The following PDE10A variants were observed in gnomAD, a reference collection of about 807,000 sequenced individuals.
PDE10A encodes the protein cAMP and cAMP-inhibited cGMP 3',5'-cyclic phosphodiesterase 10A.
A neutral mutation model predicts 97.7 loss-of-function variants in PDE10A; 39 were observed. The ratio of observed to expected loss-of-function variants is 0.40; its 90% confidence interval spans 0.31 to 0.52. The LOEUF (loss-of-function observed/expected upper bound fraction) is 0.52. PDE10A is among the 20% of genes least tolerant of loss of function. PDE10A has a pLI of 0.56. For missense variants in PDE10A, 731 were observed against 1,047.8 expected (o/e 0.70, Z 4.17); for synonymous variants, 371 against 376.8 (o/e 0.98, Z 0.18).
At chr6:165,574,976 T>C (rs770067380) in intron 1 of PDE10A, among the ~76,000 whole-genome samples, 1 of 152,184 alleles carries the variant, frequency 6.6e-6, no homozygotes, top group East Asian at 1.9e-4. Context: ...AAAATTCCCC[T>C]CTCTGATGAC....
intron 1 of PDE10A, among the ~76,000 whole-genome samples, chr6:165,710,667 G>A (rs905397441): frequency 6.6e-6 from 1 of 152,144 alleles, no homozygotes; most frequent in Non-Finnish European, 1.5e-5. Flanking sequence ...AAAGTCATCA[G>A]ATAAAAATAA....
At chr6:165,763,881 T>C (rs1241951234) in intron 1 of PDE10A, among the ~76,000 whole-genome samples, 1 of 152,238 alleles carries the variant, frequency 6.6e-6, no homozygotes, top group Non-Finnish European at 1.5e-5. Flanking sequence ...CCAGGTGTGT[T>C]CTCAGCAATG....
chr6:165,579,679 T>TA lies in PDE10A; in HGVS notation c.866-36112dup, dbSNP rs1042330114. On this transcript the variant is annotated intron_variant, in intron 1 of 21. Transcript: ENST00000539869. ...CTCAATATAGCACCCTGTCAAAACA[T>TA]AAACTAGATCATGTTGCTGCTCTAC... Among the ~76,000 whole-genome samples, 86 of 152,250 alleles carry TA rather than the reference T, an allele frequency of 5.6e-4. 1 individual carries two copies. Among genetic ancestry groups the TA allele is most frequent in the African/African-American group, 2.0e-3 (81 of 41,536 alleles).
Position 165,950,629 on chromosome 6 carries a change from C to T in PDE10A, c.-615+36900G>A, listed in dbSNP as rs144865144. On this transcript the variant is annotated intron_variant, in intron 1 of 19. Transcript: ENST00000366882. Reference sequence around the variant, plus strand: ...AATACCTGTGCAGACCAGGTCTGCTCGGATGCAGAAGGCGGCCTTCTAGTC... The same window carrying T: ...AATACCTGTGCAGACCAGGTCTGCTTGGATGCAGAAGGCGGCCTTCTAGTC... Among the ~76,000 whole-genome samples, 132 of 152,290 alleles carry T rather than the reference C, an allele frequency of 8.7e-4. 1 individual carries two copies. The highest frequency in any genetic ancestry group is 3.1e-3 in the African/African-American group (127 of 41,556).
At chr6:165,535,940 T>C (rs982225156) in intron 2 of PDE10A, among the ~76,000 whole-genome samples, 4 of 151,870 alleles carry the variant, frequency 2.6e-5, no homozygotes, top group African/African-American at 9.7e-5. Flanking sequence ...CAAAATAACA[T>C]TGTTCACAGA....
intron 1 of PDE10A, among the ~76,000 whole-genome samples, chr6:165,893,032 G>C (rs1414128555): frequency 6.6e-6 from 1 of 152,166 alleles, no homozygotes; most frequent in Non-Finnish European, 1.5e-5. Flanking sequence ...TAGGATTTAA[G>C]CTTTTATGGG....
intron 1 of PDE10A, among the ~76,000 whole-genome samples, chr6:165,634,144 C>T (rs544263927): frequency 5.3e-5 from 8 of 152,068 alleles, no homozygotes; most frequent in South Asian, 2.1e-4. Context: ...CAGGAATTTG[C>T]GTTTTTAGTA....
At chr6:165,805,030 G>A (rs1779094313) in intron 1 of PDE10A, among the ~76,000 whole-genome samples, 1 of 149,602 alleles carries the variant, frequency 6.7e-6, no homozygotes, top group African/African-American at 2.5e-5. Context: ...TGGGCGTGGG[G>A]CGAGCACAGG....
intron 8 of PDE10A, 103 bp from the exon 9 acceptor site, chr6:165,430,448 A>C: frequency 1.5e-6 from 1 of 669,104 alleles, no homozygotes; most frequent in Non-Finnish European, 2.6e-6. Context: ...AAGGCCTAAC[A>C]CAATCACTTG....
At chr6:165,350,008 G>A (rs140664769) in intron 18 of PDE10A, among the ~76,000 whole-genome samples, 1 of 152,230 alleles carries the variant, frequency 6.6e-6, no homozygotes, top group Admixed American at 6.5e-5. Context: ...TGCTAGGGCA[G>A]TGTGAAAGGG....
intron 2 of PDE10A, among the ~76,000 whole-genome samples, chr6:165,542,612 C>CTTTTTTTTTTTTTTTTTTTTTTTTTTTTT (rs545149187): frequency 2.0e-4 from 15 of 76,454 alleles, no homozygotes; most frequent in South Asian, 6.4e-4. Flanking sequence ...TGTCCTTGTT[C>CTTTTTTTTTTTTTTTTTTTTTTTTTTTTT]TTTTTTTTTT....
At chr6:165,398,529 T>G (rs1463106622) in intron 13 of PDE10A, among the ~76,000 whole-genome samples, 1 of 152,132 alleles carries the variant, frequency 6.6e-6, no homozygotes, top group Admixed American at 6.6e-5. Flanking sequence ...TATTGGCTGT[T>G]CTTAAACATT....
chr6:165,598,587 T>C (rs1310352520), intron 1 of PDE10A, among the ~76,000 whole-genome samples: 3 of 152,124 alleles, frequency 2.0e-5, no homozygotes, highest in African/African-American at 4.8e-5. Context: ...AAAATGGTGA[T>C]AATAATAGTA....
At position 165,396,429 on chromosome 6, in the gene PDE10A, T is replaced by G; in HGVS notation, c.2107A>C (p.Ile703Leu). 1 of 1,612,830 alleles carries G rather than the reference T, an allele frequency of 6.2e-7. No individual in the cohort carries two copies. Among genetic ancestry groups the G allele is most frequent in the Non-Finnish European group, 8.5e-7 (1 of 1,179,288 alleles). Residue 703 changes from isoleucine (I) to leucine (L), a missense_variant, in exon 14 of 22, where the codon ATT (isoleucine) becomes CTT (leucine). By Grantham distance (5) the Ile-to-Leu change is conservative. This residue lies in a region of PDE10A where 131 missense variants were observed against 187.4 expected (regional missense o/e 0.70). Coordinates refer to ENST00000539869, the MANE Select transcript of PDE10A (RefSeq NM_001385079.1). ...MYHRIRHSEC[I>L]YRVTMEKLSY... is the part of the protein sequence containing the mutation. ...AGCTTTTCCATCGTTACCCGGTAAATGCACTCTGAGTGGCGAATTCTATGA... is the reference window on the plus strand; with the variant it reads ...AGCTTTTCCATCGTTACCCGGTAAAGGCACTCTGAGTGGCGAATTCTATGA...
intron 1 of PDE10A, among the ~76,000 whole-genome samples, chr6:165,923,366 T>C (rs1242916680): frequency 6.6e-6 from 1 of 152,216 alleles, no homozygotes; most frequent in Non-Finnish European, 1.5e-5. Context: ...CTATTCCAGG[T>C]GTTCAGAGCA....
At chr6:165,574,089 C>T (rs1785186227) in intron 1 of PDE10A, among the ~76,000 whole-genome samples, 1 of 152,070 alleles carries the variant, frequency 6.6e-6, no homozygotes, top group African/African-American at 2.4e-5. Flanking sequence ...ACAAACTGTT[C>T]AACATATGGC....
At chr6:165,553,477 A>C (rs928116719) in intron 1 of PDE10A, among the ~76,000 whole-genome samples, 1 of 152,216 alleles carries the variant, frequency 6.6e-6, no homozygotes, top group Non-Finnish European at 1.5e-5. Flanking sequence ...CTTGTCCCCA[A>C]ATATATCACC....
At chr6:165,859,016 C>T (rs76276920) in intron 1 of PDE10A, among the ~76,000 whole-genome samples, 6,409 of 152,334 alleles carry the variant, frequency 0.042, 161 homozygotes, top group Middle Eastern at 0.078. Context: ...TGTAAACTCA[C>T]TGCAAACACT....
At chr6:165,756,565 A>T (rs1184560280) in intron 1 of PDE10A, among the ~76,000 whole-genome samples, 5 of 152,078 alleles carry the variant, frequency 3.3e-5, no homozygotes, top group African/African-American at 1.2e-4. Context: ...GATCTTTTCC[A>T]TTCCATTTAT....
Sources: allele counts gnomAD v4.1 joint callset (sites outside exome capture counted in the v4.1 genomes callset), GRCh38; gene constraint gnomAD v4.1.1; regional missense constraint gnomAD v4.1.1; transcripts MANE v1.5; gene names NCBI Gene and HGNC (gene_info 2026-07-23, HGNC 2026-07-21).